SHC3: variants seen among roughly 807,000 people sequenced by gnomAD.
SHC3 encodes SHC-transforming protein 3.
SHC3 carries 15 observed loss-of-function variants against 60.4 expected under a neutral mutation model. That is an observed-to-expected ratio of 0.25 (90% CI 0.17 to 0.38). The LOEUF (loss-of-function observed/expected upper bound fraction) is 0.38. Among genes scored for constraint, SHC3 ranks in the 10% least tolerant of loss-of-function variants. The pLI is 1.00. For missense variants in SHC3, 677 were observed against 786.1 expected, an observed-to-expected ratio of 0.86 and a Z score of 1.66; for synonymous variants, 294 against 325.9, an observed-to-expected ratio of 0.90 and a Z score of 1.05.
At chr9:89,100,705 T>C (rs1825770551) in intron 2 of SHC3, among the ~76,000 whole-genome samples, 1 of 152,226 alleles carries the variant, frequency 6.6e-6, no homozygotes, top group Non-Finnish European at 1.5e-5. Context: ...TTTTACCTTT[T>C]CTAGAATGTC....
At chr9:89,071,885 C>T (rs1405191217) in intron 4 of SHC3, among the ~76,000 whole-genome samples, 3 of 152,192 alleles carry the variant, frequency 2.0e-5, no homozygotes, top group African/African-American at 7.2e-5. Context: ...AAGGCTCTGC[C>T]CACATCAAAG....
chr9:89,073,501 G>A lies in SHC3; in HGVS notation c.729+1608C>T, dbSNP rs571060550. ...GGCTGTTCTCAATTTGCTACAGTTG[G>A]GCCCAAAAGTCAGCTGGAAGGGAGA... On this transcript the variant is annotated intron_variant, in intron 4 of 11. Transcript: ENST00000375835. Among the ~76,000 whole-genome samples, 131 of 152,180 alleles carry A rather than the reference G, an allele frequency of 8.6e-4. 1 individual carries two copies. Among genetic ancestry groups the A allele is most frequent in the Admixed American group, 8.4e-3 (128 of 15,278 alleles).
intron 11 of SHC3, among the ~76,000 whole-genome samples, chr9:89,027,735 G>A (rs1447057372): frequency 6.6e-6 from 1 of 152,168 alleles, no homozygotes; most frequent in Non-Finnish European, 1.5e-5. Flanking sequence ...AAAACAAAAG[G>A]GAAGGAGGCA....
chr9:89,026,699 A>G (rs1232174578), intron 11 of SHC3, among the ~76,000 whole-genome samples: 1 of 152,256 alleles, frequency 6.6e-6, no homozygotes, highest in Non-Finnish European at 1.5e-5. Flanking sequence ...ACAAATGCCA[A>G]GAGCCCAGCT....
chr9:89,176,650 C>A (rs1358248155), intron 1 of SHC3, among the ~76,000 whole-genome samples: 1 of 152,160 alleles, frequency 6.6e-6, no homozygotes, highest in Non-Finnish European at 1.5e-5. Context: ...GAAGAATATT[C>A]AGTACCTCTT....
At chr9:89,146,228 G>T (rs908886269) in intron 1 of SHC3, among the ~76,000 whole-genome samples, 1 of 151,924 alleles carries the variant, frequency 6.6e-6, no homozygotes, top group African/African-American at 2.4e-5. Flanking sequence ...GTCGTGGTGG[G>T]TGCCTGTAGT....
In SHC3 at chr9:89,178,114, G is replaced by T; in HGVS notation, c.347C>A (p.Pro116His). The T allele has an allele frequency of 8.7e-7, 1 of 1,152,400 alleles. No individual in the cohort carries two copies. The highest frequency in any genetic ancestry group is 1.1e-6 in the Non-Finnish European group (1 of 937,736). 71.4% of individuals were successfully genotyped at this position (1,152,400 alleles called of 1,614,324 possible). A position where few individuals can be genotyped will look rare whatever the true frequency, so the allele number is the denominator to read the frequency against. Residue 116 changes from proline to histidine, a missense_variant, in exon 1 of 12, where the codon CCC becomes CAC. Coordinates refer to ENST00000375835, the MANE Select transcript of SHC3 (RefSeq NM_016848.6). The surrounding 1 kb of genome is among the most constrained non-coding windows in gnomAD (Gnocchi z 6.9). ...AAPDGSAPSA[P>H]RAPAMSAARK... ...GGCGGCGCTCATGGCCGGGGCGCGG[G>T]GCGCCGAGGGCGCACTGCCGTCCGG...
intron 7 of SHC3, among the ~76,000 whole-genome samples, chr9:89,048,962 C>CT (rs1156816293): frequency 5.9e-5 from 9 of 152,126 alleles, no homozygotes. Context: ...CACTGCTCTG[C>CT]TTTAGAAATG....
chr9:89,096,947 A>G (rs749283828), intron 2 of SHC3, among the ~76,000 whole-genome samples: 4 of 152,212 alleles, frequency 2.6e-5, no homozygotes, highest in Non-Finnish European at 5.9e-5. Flanking sequence ...GATGGGAGGT[A>G]GGGACTCAAT....
intron 2 of SHC3, among the ~76,000 whole-genome samples, chr9:89,093,456 T>C (rs1398567460): frequency 1.3e-5 from 2 of 152,078 alleles, no homozygotes; most frequent in Non-Finnish European, 2.9e-5. Flanking sequence ...ATTTGGTTAC[T>C]GTCTAATAAA....
intron 10 of SHC3, among the ~76,000 whole-genome samples, chr9:89,040,219 TCACCACCACCATCAC>T (rs1824661428): frequency 2.0e-5 from 3 of 146,762 alleles, no homozygotes; most frequent in Non-Finnish European, 4.5e-5. Context: ...ATCATCATCA[TCACCACCACCATCAC>T]CACCACCACC....
In SHC3 at chr9:89,059,843, T is replaced by TGTGGTGGAGGATG. The variant is rs745326805; in HGVS notation, c.835+5673_835+5685dup. 1.2e-3 allele frequency among the ~76,000 whole-genome samples: 149 copies of TGTGGTGGAGGATG among 125,692 alleles called. 3 individuals carry two copies. Among genetic ancestry groups the TGTGGTGGAGGATG allele is most frequent in the African/African-American group, 4.3e-3 (140 of 32,656 alleles). 82.5% of individuals were successfully genotyped at this position (125,692 alleles called of 152,430 possible). A position where few individuals can be genotyped will look rare whatever the true frequency, so the allele number is the denominator to read the frequency against. On this transcript the variant is annotated intron_variant, in intron 6 of 11. Transcript: ENST00000375835. ...CAGTGGTGGAGGATGTCATATAGGA[T>TGTGGTGGAGGATG]GTGGTGGAGGATGGTGGTGGAGGAT...
chr9:89,100,126 A>G (rs141710156), intron 2 of SHC3, among the ~76,000 whole-genome samples: 13 of 152,334 alleles, frequency 8.5e-5, no homozygotes, highest in African/African-American at 3.1e-4. Flanking sequence ...AGATGGTACC[A>G]TCAAGGGTCT....
intron 6 of SHC3, among the ~76,000 whole-genome samples, chr9:89,054,704 A>G (rs774026413): frequency 2.6e-5 from 4 of 152,272 alleles, no homozygotes; most frequent in Non-Finnish European, 4.4e-5. Context: ...CCATTCGTGC[A>G]CAGAATCGAG....
chr9:89,145,292 G>A (rs914035533), intron 1 of SHC3, among the ~76,000 whole-genome samples: 4 of 152,194 alleles, frequency 2.6e-5, no homozygotes, highest in Non-Finnish European at 5.9e-5. Context: ...AGCACTAAGA[G>A]ACCGAAAGTA....
At chr9:89,176,531 A>G (rs566318069) in intron 1 of SHC3, among the ~76,000 whole-genome samples, 1 of 152,350 alleles carries the variant, frequency 6.6e-6, no homozygotes, top group African/African-American at 2.4e-5. Context: ...CAATTATGCT[A>G]ACACCCCAGA....
intron 2 of SHC3, among the ~76,000 whole-genome samples, chr9:89,081,697 C>G (rs1825447110): frequency 6.6e-6 from 1 of 152,198 alleles, no homozygotes; most frequent in Admixed American, 6.5e-5. Context: ...AATCCACTCA[C>G]CTCCACACAA....
intron 1 of SHC3, among the ~76,000 whole-genome samples, chr9:89,140,294 T>C (rs1466773739): frequency 1.3e-5 from 2 of 152,146 alleles, no homozygotes; most frequent in African/African-American, 4.8e-5. Flanking sequence ...GCATGCATTT[T>C]CTAGGGCTAA....
intron 2 of SHC3, among the ~76,000 whole-genome samples, chr9:89,098,986 A>C (rs183204144): frequency 1.3e-5 from 2 of 151,450 alleles, no homozygotes; most frequent in East Asian, 3.9e-4. Context: ...TAAATAAATA[A>C]ATTAATTAAT....
Sources: allele counts gnomAD v4.1 joint callset (sites outside exome capture counted in the v4.1 genomes callset), GRCh38; gene constraint gnomAD v4.1.1; non-coding constraint Gnocchi (gnomAD v3.1); transcripts MANE v1.5; gene names NCBI Gene and HGNC (gene_info 2026-07-23, HGNC 2026-07-21).